The following RASL12 variants were observed in gnomAD, a reference collection of about 807,000 sequenced individuals.
RASL12 encodes RAS like family 12.
A neutral mutation model predicts 22.9 loss-of-function variants in RASL12; 16 were observed. The ratio of observed to expected loss-of-function variants is 0.70; its 90% confidence interval spans 0.47 to 1.06. The LOEUF (loss-of-function observed/expected upper bound fraction) is 1.06, where lower values mean the gene tolerates loss of function less well. RASL12 is among the 50% of genes least tolerant of loss of function. The pLI is 0.00. For missense variants in RASL12, 306 were observed against 353.1 expected (o/e 0.87, Z 1.07); for synonymous variants, 159 against 152.2 (o/e 1.04, Z -0.33).
Position 65,055,047 on chromosome 15 carries a change from C to G in RASL12, c.653G>C (p.Ser218Thr), listed in dbSNP as rs756587599. The change falls in exon 5 of 5, where the codon AGC (serine) becomes ACC (threonine). Residue 218 changes from serine to threonine, a missense_variant. Physicochemically the swap from Ser to Thr is moderately conservative, Grantham distance 58. Coordinates refer to ENST00000220062, the MANE Select transcript of RASL12 (RefSeq NM_016563.4). Reference sequence around the variant, plus strand: ...GGTGGAGAGCGTGTTGAAGGTGCAGCTGGCCAGCCCATGCCGCGCGGTGAG... The same window carrying G: ...GGTGGAGAGCGTGTTGAAGGTGCAGGTGGCCAGCCCATGCCGCGCGGTGAG... Reference protein sequence around the residue: ...APLTARHGLASCTFNTLSTIN... With the variant: ...APLTARHGLATCTFNTLSTIN... 1.2e-6 allele frequency: 2 copies of G among 1,613,578 alleles called. No homozygotes were observed. Among genetic ancestry groups the G allele is most frequent in the South Asian group, 2.2e-5 (2 of 91,000 alleles).
downstream of RASL12, chr15:65,049,920 A>G: frequency 9.9e-7 from 1 of 1,005,398 alleles, no homozygotes; most frequent in Non-Finnish European, 1.4e-6. Flanking sequence ...TTCTCTGCCC[A>G]GGGGCCAGAA....
At chr15:65,056,366 C>G (rs573981003) in intron 4 of RASL12, among the ~76,000 whole-genome samples, 49 of 152,248 alleles carry the variant, frequency 3.2e-4, no homozygotes, top group African/African-American at 1.1e-3. Flanking sequence ...CACGCGGTCT[C>G]AGAGAGAGTG....
intron 1 of RASL12, 101 bp downstream of exon 1, chr15:65,067,632 C>T: frequency 1.4e-6 from 2 of 1,383,104 alleles, no homozygotes; most frequent in Non-Finnish European, 1.9e-6. Context: ...AGGAAGCTCC[C>T]CAAGCCAGTG....
downstream of RASL12, chr15:65,051,595 C>T (rs372394370): frequency 3.7e-6 from 6 of 1,613,240 alleles, no homozygotes; most frequent in Non-Finnish European, 4.2e-6. Flanking sequence ...AAGAAGCATC[C>T]AGGCAAGCAG....
intron 4 of RASL12, 148 bp from the exon 5 acceptor site, chr15:65,055,422 G>GTGGGTTACTGCCCTC: frequency 1.5e-6 from 1 of 665,494 alleles, no homozygotes. Flanking sequence ...TATCAGTACA[G>GTGGGTTACTGCCCTC]TGGGTTACTG....
chr15:65,064,589 ATTTG>A (rs1322269269), intron 2 of RASL12, among the ~76,000 whole-genome samples: 1 of 150,786 alleles, frequency 6.6e-6, no homozygotes, highest in African/African-American at 2.5e-5. Flanking sequence ...AATAATACCT[ATTTG>A]TTTTTGAGTT....
chr15:65,054,871 C>T lies in RASL12; in HGVS notation c.*28G>A, dbSNP rs762224002. ...TCCTGCTGCAGTCCTGTCCAGCCACCGAGCCTAGGCTTCCTGGGGAGGGGG... is the reference window on the plus strand; with the variant it reads ...TCCTGCTGCAGTCCTGTCCAGCCACTGAGCCTAGGCTTCCTGGGGAGGGGG... On this transcript the variant is annotated 3_prime_UTR_variant, in exon 5 of 5. Transcript: ENST00000220062. 23 of 1,587,984 alleles carry T rather than the reference C, an allele frequency of 1.4e-5. No homozygotes were observed. Among genetic ancestry groups the T allele is most frequent in the Admixed American group, 6.9e-5 (4 of 57,804 alleles).
chr15:65,046,850 T>C, the RASL12 span, among the ~76,000 whole-genome samples: 11 of 150,600 alleles, frequency 7.3e-5, no homozygotes, highest in Non-Finnish European at 1.3e-4. Context: ...GAGATGGAGG[T>C]TGCAGTGAGC....
upstream of RASL12, chr15:65,068,091 G>A: frequency 9.5e-7 from 1 of 1,053,034 alleles, no homozygotes. This position sits in a 1 kb window ranked among gnomAD's most constrained non-coding sequence, Gnocchi z 4.2. Context: ...CCCGCGGGGC[G>A]CGCTCAGCCG....
upstream of RASL12, among the ~76,000 whole-genome samples, chr15:65,071,072 C>G (rs1037790447): frequency 6.6e-6 from 1 of 152,162 alleles, no homozygotes; most frequent in Non-Finnish European, 1.5e-5. Context: ...GCGTTCCCAT[C>G]AGACTTCAGA....
chr15:65,049,963 G>C, downstream of RASL12: 1 of 1,493,588 alleles, frequency 6.7e-7, no homozygotes, highest in Non-Finnish European at 9.1e-7. Flanking sequence ...TGGGGCTAAG[G>C]GGTCTAAGGA....
chr15:65,058,552 G>A lies in RASL12; in HGVS notation c.300C>T (p.Val100=), dbSNP rs1181604915. Residue 100 remains valine, a synonymous_variant, in exon 4 of 5, where the codon GTC becomes GTT. Transcript: ENST00000220062. ...WAHAFLVVYS[V]DSRQSFDSSS... ...TGCTATCAAAGCTCTGGCGGCTGTC[G>A]ACGCTGTACACCACCAGGAAGGCAT... 4 of 1,610,914 alleles carry A rather than the reference G, an allele frequency of 2.5e-6. No individual in the cohort carries two copies. The highest frequency in any genetic ancestry group is 1.6e-4 in the Middle Eastern group (1 of 6,074).
chr15:65,076,588 ATTATTAC>A lies in RASL12; in HGVS notation c.4_10del (p.Val2TrpfsTer22), dbSNP rs1489189895. 1 of 703,608 alleles carries A rather than the reference ATTATTAC, an allele frequency of 1.4e-6. No individual in the cohort carries two copies. The highest frequency in any genetic ancestry group is 2.6e-6 in the Non-Finnish European group (1 of 386,340). 43.6% of individuals were successfully genotyped at this position (703,608 alleles called of 1,614,324 possible). ...CCAAGAACCCACCAATTCTGGACCC[ATTATTAC>A]CATTTCTTCTAAGGATATGAGTGAT... On this transcript the variant is annotated frameshift_variant, in exon 1 of 5. Coordinates refer to the RASL12 transcript ENST00000434605. LOFTEE classifies it high-confidence loss of function.
At chr15:65,055,721 AGAGAAGCAGTC>A (rs2086723300) in intron 4 of RASL12, among the ~76,000 whole-genome samples, 1 of 152,144 alleles carries the variant, frequency 6.6e-6, no homozygotes, top group Non-Finnish European at 1.5e-5. Flanking sequence ...TCAGCTCTAG[AGAGAAGCAGTC>A]GTTTGGACTG....
chr15:65,062,762 G>A (rs1232516014), intron 2 of RASL12, among the ~76,000 whole-genome samples: 4 of 152,198 alleles, frequency 2.6e-5, no homozygotes, highest in Admixed American at 2.0e-4. Context: ...CTGATGGCTA[G>A]CTCCCCAATG....
Position 65,054,383 on chromosome 15 carries a change from T to A in RASL12, c.*516A>T. ...TGTGGGGTTTGTAGCCTGGGCCTTC[T>A]GTGAAGTCAGCAGATGACAGGAGGG... On this transcript the variant is annotated 3_prime_UTR_variant, in exon 5 of 5. Transcript: ENST00000220062. 1.0e-6 allele frequency: 1 copy of A among 987,240 alleles called. No homozygotes were observed. Among genetic ancestry groups the A allele is most frequent in the Non-Finnish European group, 1.2e-6 (1 of 831,198 alleles). The allele number at this position is 987,240 out of a possible 1,614,324, so 61.2% of individuals were successfully genotyped here. A position where few individuals can be genotyped will look rare whatever the true frequency, so the allele number is the denominator to read the frequency against.
chr15:65,046,030 T>C, the RASL12 span, among the ~76,000 whole-genome samples: 1 of 152,114 alleles, frequency 6.6e-6, no homozygotes, highest in African/African-American at 2.4e-5. Context: ...CCGGGTGCGG[T>C]GGCTCATGCC....
intron 4 of RASL12, among the ~76,000 whole-genome samples, chr15:65,057,283 A>G (rs1310055431): frequency 6.6e-6 from 1 of 152,146 alleles, no homozygotes; most frequent in African/African-American, 2.4e-5. Context: ...ACAGGGAGGG[A>G]TGAGTGGCTG....
At chr15:65,060,282 A>G (rs2086786163) in intron 2 of RASL12, among the ~76,000 whole-genome samples, 1 of 152,186 alleles carries the variant, frequency 6.6e-6, no homozygotes, top group Non-Finnish European at 1.5e-5. Flanking sequence ...TTAATAGGGC[A>G]GGATCACATT....
Sources: allele counts gnomAD v4.1 joint callset (sites outside exome capture counted in the v4.1 genomes callset), GRCh38; gene constraint gnomAD v4.1.1; non-coding constraint Gnocchi (gnomAD v3.1); transcripts MANE v1.5; gene names NCBI Gene and HGNC (gene_info 2026-07-23, HGNC 2026-07-21).